The following EMC3 variants were observed in gnomAD, a reference collection of about 807,000 sequenced individuals.
EMC3 encodes the protein 30 kDa protein.
A neutral mutation model predicts 36.6 loss-of-function variants in EMC3; 13 were observed. The observed-to-expected ratio is 0.35, with a 90% confidence interval of 0.23 to 0.56. The LOEUF (loss-of-function observed/expected upper bound fraction) is 0.56, where lower values mean the gene tolerates loss of function less well. Among genes scored for constraint, EMC3 ranks in the 20% least tolerant of loss-of-function variants. EMC3 has a pLI of 0.84. For synonymous variants in EMC3, 120 were observed against 111.9 expected, an observed-to-expected ratio of 1.07 and a Z score of -0.46; for missense variants, 220 against 324.5, an observed-to-expected ratio of 0.68 and a Z score of 2.47.
chr3:9,980,081 C>G (rs1020317939), intron 1 of EMC3, among the ~76,000 whole-genome samples: 2 of 150,832 alleles, frequency 1.3e-5, no homozygotes, highest in Non-Finnish European at 2.9e-5. Flanking sequence ...TGGCGCAATC[C>G]CAGCTCAGTG....
chr3:9,988,331 G>A (rs1322032026), upstream of EMC3: 1 of 833,478 alleles, frequency 1.2e-6, no homozygotes, highest in Non-Finnish European at 2.1e-6. Flanking sequence ...TTCTTTTCTG[G>A]TAGGTAGAAG....
intron 6 of EMC3, among the ~76,000 whole-genome samples, 165 bp downstream of exon 6, chr3:9,970,417 C>T (rs953741862): frequency 3.3e-5 from 5 of 152,048 alleles, no homozygotes; most frequent in African/African-American, 1.2e-4. Flanking sequence ...TCAGTTTGAC[C>T]CCCGGAATTT....
At chr3:9,991,556 G>A (rs146923566), upstream of EMC3, among the ~76,000 whole-genome samples, 1,015 of 152,004 alleles carry the variant, frequency 6.7e-3, 9 homozygotes, top group South Asian at 0.018. Flanking sequence ...TCACTCTGTC[G>A]CCAGGCTGGA....
At chr3:9,998,597 A>G (rs1010907914) in intron 1 of EMC3, among the ~76,000 whole-genome samples, 3 of 151,342 alleles carry the variant, frequency 2.0e-5, no homozygotes, top group East Asian at 3.9e-4. Flanking sequence ...TCCTGGCCCT[A>G]TTTTTTAATT....
rs373818230 is a variant in EMC3, at chr3:9,980,818, C to CT, written c.156-3373dup. On this transcript the variant is annotated intron_variant, in intron 1 of 7. Coordinates refer to ENST00000245046, the MANE Select transcript of EMC3 (RefSeq NM_001394674.1). ...ATATTTTATTACTTGAACAGAAACT[C>CT]TGAGAGCAGGGTCGTGACCTTGTCT... 2.8e-4 allele frequency among the ~76,000 whole-genome samples: 42 copies of CT among 152,256 alleles called. 1 individual carries two copies. Among genetic ancestry groups the CT allele is most frequent in the African/African-American group, 1.0e-3 (42 of 41,548 alleles).
chr3:9,982,505 A>T (rs1401043836), intron 1 of EMC3, among the ~76,000 whole-genome samples: 1 of 152,104 alleles, frequency 6.6e-6, no homozygotes, highest in Admixed American at 6.5e-5. Flanking sequence ...TGCCTGCCTC[A>T]GCCTCCCAAA....
intron 1 of EMC3, chr3:10,008,489 T>TG (rs755845759): frequency 4.4e-6 from 6 of 1,366,940 alleles, no homozygotes; most frequent in Non-Finnish European, 5.9e-6. Flanking sequence ...ATTCTTCTCC[T>TG]GGGGGGCTGA....
chr3:9,969,128 T>G, intron 7 of EMC3: 1 of 167,508 alleles, frequency 6.0e-6, no homozygotes, highest in Non-Finnish European at 1.2e-5. Flanking sequence ...CCTGGCCCAT[T>G]TTTGTATTTT....
chr3:9,969,566 C>A (rs1391706121), intron 7 of EMC3, 153 bp downstream of exon 7: 2 of 1,521,876 alleles, frequency 1.3e-6, no homozygotes, highest in Non-Finnish European at 1.8e-6. Context: ...GATTCTGTCT[C>A]AGGAAAGAGA....
intron 1 of EMC3, among the ~76,000 whole-genome samples, chr3:9,977,996 T>TC (rs1559352043): frequency 6.6e-6 from 1 of 151,810 alleles, no homozygotes; most frequent in Non-Finnish European, 1.5e-5. Flanking sequence ...AATCAACTAT[T>TC]AGAGCCATAG....
At chr3:10,009,936 G>A (rs1449591430) in intron 1 of EMC3, 1 of 152,328 alleles carries the variant, frequency 6.6e-6, no homozygotes, top group Admixed American at 6.5e-5. Context: ...TGCCCTAGAA[G>A]GTTGTGAAGG....
chr3:9,966,569 CTCTG>C (rs1486186563), intron 7 of EMC3, among the ~76,000 whole-genome samples: 1 of 151,678 alleles, frequency 6.6e-6, no homozygotes. Flanking sequence ...AGTGATCTCA[CTCTG>C]TCACCCAGGG....
At chr3:9,968,262 C>G (rs999203325) in intron 7 of EMC3, among the ~76,000 whole-genome samples, 12 of 152,270 alleles carry the variant, frequency 7.9e-5, no homozygotes, top group African/African-American at 2.9e-4. Context: ...ATATTTTATT[C>G]GTTTTGATAC....
chr3:10,007,647 G>GA, intron 1 of EMC3: 1 of 1,353,922 alleles, frequency 7.4e-7, no homozygotes, highest in Non-Finnish European at 9.9e-7. Flanking sequence ...GGGGTGGTGG[G>GA]AATGGGGGCT....
In EMC3 at chr3:9,969,402, G is replaced by A. The variant is rs2085762779; in HGVS notation, c.657+317C>T. On this transcript the variant is annotated intron_variant, in intron 7 of 7. Transcript: ENST00000245046. ...TTTTTTAATGCAATTTATATCTGAT[G>A]TCTATGGGGTTCAAAAAGGTTCAAA... 3 of 1,230,230 alleles carry A rather than the reference G, an allele frequency of 2.4e-6. No individual in the cohort carries two copies. In the African/African-American group the frequency reaches 4.7e-5, roughly 19 times the overall value. 76.2% of individuals were successfully genotyped at this position (1,230,230 alleles called of 1,614,324 possible).
At chr3:10,007,009 G>C (rs1237781099) in intron 1 of EMC3, 1 of 282,164 alleles carries the variant, frequency 3.5e-6, no homozygotes, top group African/African-American at 2.3e-5. Context: ...TGCAAATCTT[G>C]TAGTAACATT....
intron 1 of EMC3, among the ~76,000 whole-genome samples, chr3:9,991,883 G>A (rs2086057105): frequency 1.3e-5 from 2 of 152,250 alleles, no homozygotes; most frequent in South Asian, 4.1e-4. Context: ...GCACTACTTA[G>A]ATTCTCATAA....
chr3:9,989,686 T>G (rs1489267086), upstream of EMC3, among the ~76,000 whole-genome samples: 1 of 152,234 alleles, frequency 6.6e-6, no homozygotes, highest in African/African-American at 2.4e-5. Flanking sequence ...CCAAACACAC[T>G]GTTTTTGGTT....
intron 3 of EMC3, among the ~76,000 whole-genome samples, chr3:9,975,428 G>T (rs1322406718): frequency 6.6e-6 from 1 of 151,920 alleles, no homozygotes; most frequent in Non-Finnish European, 1.5e-5. Flanking sequence ...CCCGCCAATG[G>T]TGAGGGAGCC....
Sources: gnomAD v4.1 joint callset for allele counts (sites outside exome capture counted in the v4.1 genomes callset) on GRCh38, gnomAD v4.1.1 for gene constraint, MANE v1.5 for transcripts, NCBI Gene and HGNC (gene_info 2026-07-23, HGNC 2026-07-21) for gene names.